The following IMMP2L variants were observed in gnomAD, a reference collection of about 807,000 sequenced individuals.
IMMP2L encodes mitochondrial inner membrane protease subunit 2.
IMMP2L carries 18 observed loss-of-function variants against 19.3 expected under a neutral mutation model. That is an observed-to-expected ratio of 0.93 (90% confidence interval 0.64 to 1.38). The LOEUF (loss-of-function observed/expected upper bound fraction) is 1.38, where lower values mean the gene tolerates loss of function less well. Among genes scored for constraint, IMMP2L ranks in the 40% most tolerant of loss-of-function variants. IMMP2L has a pLI of 0.00. For missense variants in IMMP2L, 233 were observed against 218.2 expected, an observed-to-expected ratio of 1.07 and a Z score of -0.43; for synonymous variants, 76 against 73.0, an observed-to-expected ratio of 1.04 and a Z score of -0.21.
At chr7:111,385,449 T>A (rs37669) in intron 3 of IMMP2L, among the ~76,000 whole-genome samples, 17,130 of 152,110 alleles carry the variant, frequency 0.11, 1,603 homozygotes, top group African/African-American at 0.25. Flanking sequence ...ACAAGACCCA[T>A]AGCGCTACCC....
intron 3 of IMMP2L, among the ~76,000 whole-genome samples, chr7:111,083,841 T>A (rs1324585539): frequency 6.6e-6 from 1 of 152,252 alleles, no homozygotes; most frequent in Non-Finnish European, 1.5e-5. Flanking sequence ...CAGCTATGCA[T>A]ATTTTAAAAT....
intron 3 of IMMP2L, among the ~76,000 whole-genome samples, chr7:111,291,713 G>A (rs548098392): frequency 6.6e-6 from 1 of 152,110 alleles, no homozygotes; most frequent in Admixed American, 6.5e-5. Context: ...AAATAATAAT[G>A]CATTGCATAT....
intron 3 of IMMP2L, among the ~76,000 whole-genome samples, chr7:111,083,899 C>T (rs776251574): frequency 5.3e-5 from 8 of 152,286 alleles, no homozygotes; most frequent in African/African-American, 7.2e-5. Flanking sequence ...AAAATCATTT[C>T]TATTTTCTGA....
chr7:110,849,996 GA>G (rs1008252871), intron 5 of IMMP2L, among the ~76,000 whole-genome samples: 2 of 151,864 alleles, frequency 1.3e-5, no homozygotes, highest in African/African-American at 4.8e-5. Context: ...TTCTTATAGA[GA>G]AAAATTCAAG....
chr7:111,060,962 G>A (rs1030538053), intron 3 of IMMP2L, among the ~76,000 whole-genome samples: 3 of 152,250 alleles, frequency 2.0e-5, no homozygotes, highest in Middle Eastern at 3.4e-3. Context: ...AGGACCCAAT[G>A]TTCCTTTTTA....
intron 4 of IMMP2L, among the ~76,000 whole-genome samples, chr7:110,921,140 G>A (rs1334439131): frequency 6.6e-6 from 1 of 152,150 alleles, no homozygotes; most frequent in Non-Finnish European, 1.5e-5. Context: ...AGTGAGATAA[G>A]CTTTGTTCAA....
At chr7:110,860,501 C>A (rs1807288146) in intron 5 of IMMP2L, among the ~76,000 whole-genome samples, 1 of 151,928 alleles carries the variant, frequency 6.6e-6, no homozygotes, top group Non-Finnish European at 1.5e-5. Context: ...TTTCAGGAAG[C>A]TGAAGAAAAA....
In IMMP2L at chr7:110,769,172, C is replaced by T. The variant is rs181359921; in HGVS notation, c.409-105451G>A. 2.8e-4 allele frequency among the ~76,000 whole-genome samples: 42 copies of T among 152,278 alleles called. 1 individual carries two copies. The highest frequency in any genetic ancestry group is 1.4e-3 in the South Asian group (7 of 4,828). On this transcript the variant is annotated intron_variant, in intron 5 of 5. Transcript: ENST00000405709. Reference sequence around the variant, plus strand: ...CTTTTCTAAATTATTTTCTTGAATGCTAGTGCTCTTTCCTTGTTATTTTCG... The same window carrying T: ...CTTTTCTAAATTATTTTCTTGAATGTTAGTGCTCTTTCCTTGTTATTTTCG...
intron 2 of IMMP2L, among the ~76,000 whole-genome samples, chr7:111,499,413 A>T (rs1843926632): frequency 6.6e-6 from 1 of 152,082 alleles, no homozygotes; most frequent in Non-Finnish European, 1.5e-5. Flanking sequence ...AAGAGCCCCA[A>T]GGTCTCCTCA....
At chr7:111,045,910 G>A (rs1324319587) in intron 3 of IMMP2L, among the ~76,000 whole-genome samples, 2 of 151,828 alleles carry the variant, frequency 1.3e-5, no homozygotes, top group Non-Finnish European at 2.9e-5. Context: ...ATACAGATTG[G>A]AATAAAAACC....
At chr7:111,274,344 T>C (rs190316071) in intron 3 of IMMP2L, among the ~76,000 whole-genome samples, 57 of 152,282 alleles carry the variant, frequency 3.7e-4, no homozygotes, top group African/African-American at 1.3e-3. Flanking sequence ...TTAAGAATCT[T>C]TTTACAGTAA....
chr7:111,158,125 A>G (rs1428243261), intron 3 of IMMP2L, among the ~76,000 whole-genome samples: 1 of 151,924 alleles, frequency 6.6e-6, no homozygotes, highest in Non-Finnish European at 1.5e-5. Flanking sequence ...CAAAAATAAT[A>G]CTTTATTATA....
intron 5 of IMMP2L, among the ~76,000 whole-genome samples, chr7:110,699,731 G>A (rs377513549): frequency 2.0e-5 from 3 of 147,826 alleles, no homozygotes; most frequent in African/African-American, 7.5e-5. Context: ...TTGCACCACT[G>A]CACTTCAGTC....
chr7:111,310,403 G>A (rs1823387064), intron 3 of IMMP2L, among the ~76,000 whole-genome samples: 1 of 151,972 alleles, frequency 6.6e-6, no homozygotes, highest in South Asian at 2.1e-4. Context: ...AACGTAGGGA[G>A]ACAAGAAACT....
intron 4 of IMMP2L, among the ~76,000 whole-genome samples, chr7:110,950,294 GTC>G (rs1303938040): frequency 2.6e-5 from 4 of 152,174 alleles, no homozygotes; most frequent in African/African-American, 9.6e-5. Flanking sequence ...TTCTCTCAGT[GTC>G]TCTATTCTGT....
At chr7:110,965,503 A>G (rs1475695923) in intron 3 of IMMP2L, among the ~76,000 whole-genome samples, 2 of 151,996 alleles carry the variant, frequency 1.3e-5, no homozygotes, top group Non-Finnish European at 2.9e-5. Context: ...ATTTGATCAG[A>G]GTTTTGATTG....
chr7:111,432,918 A>T (rs1836776751), intron 3 of IMMP2L, among the ~76,000 whole-genome samples: 1 of 151,404 alleles, frequency 6.6e-6, no homozygotes. Flanking sequence ...CCTAGCCAAG[A>T]ACCAAATCAA....
At chr7:111,136,682 C>T (rs1297423724) in intron 3 of IMMP2L, among the ~76,000 whole-genome samples, 1 of 152,154 alleles carries the variant, frequency 6.6e-6, no homozygotes, top group East Asian at 1.9e-4. Context: ...AATTCCTGCA[C>T]TATTTTCAAA....
At chr7:111,235,568 A>T (rs1814203894) in intron 3 of IMMP2L, among the ~76,000 whole-genome samples, 1 of 151,180 alleles carries the variant, frequency 6.6e-6, no homozygotes, top group South Asian at 2.1e-4. Context: ...CAAAGCAAAG[A>T]CTCTTAACCA....
Sources: gnomAD v4.1 joint callset for allele counts (sites outside exome capture counted in the v4.1 genomes callset) on GRCh38, gnomAD v4.1.1 for gene constraint, MANE v1.5 for transcripts, NCBI Gene and HGNC (gene_info 2026-07-23, HGNC 2026-07-21) for gene names.